Variants in IL22RA2 observed in about 807,000 individuals in gnomAD.
The protein encoded by IL22RA2 is interleukin-22 receptor subunit alpha-2.
A neutral mutation model predicts 30.7 loss-of-function variants in IL22RA2; 39 were observed. The ratio of observed to expected loss-of-function variants is 1.27; its 90% CI spans 0.98 to 1.66. The LOEUF (loss-of-function observed/expected upper bound fraction) is 1.66, where lower values mean the gene tolerates loss of function less well. IL22RA2 is among the 40% of genes most tolerant of loss of function. The pLI, the probability that IL22RA2 is intolerant of heterozygous loss-of-function variation, is 0.00. For missense variants in IL22RA2, 315 were observed against 312.7 expected, an observed-to-expected ratio of 1.01 and a Z score of -0.05; for synonymous variants, 103 against 105.0, an observed-to-expected ratio of 0.98 and a Z score of 0.11.
chr6:137,155,942 A>T (rs1428263744), intron 4 of IL22RA2, among the ~76,000 whole-genome samples: 1 of 152,120 alleles, frequency 6.6e-6, no homozygotes, highest in Non-Finnish European at 1.5e-5. Flanking sequence ...ACTTCTCATC[A>T]GCTTGCTGTT....
At chr6:137,170,310 T>A (rs1562275385) in intron 1 of IL22RA2, among the ~76,000 whole-genome samples, 1 of 152,086 alleles carries the variant, frequency 6.6e-6, no homozygotes, top group Non-Finnish European at 1.5e-5. Context: ...ATACAAATTT[T>A]AAAATCCTTT....
At chr6:137,154,161 G>A (rs550231773) in intron 5 of IL22RA2, among the ~76,000 whole-genome samples, 1 of 152,238 alleles carries the variant, frequency 6.6e-6, no homozygotes, top group East Asian at 1.9e-4. Context: ...ATATCCTTCA[G>A]GATGGATACT....
At chr6:137,158,791 G>A (rs1049378769) in intron 2 of IL22RA2, among the ~76,000 whole-genome samples, 2 of 152,114 alleles carry the variant, frequency 1.3e-5, no homozygotes, top group Non-Finnish European at 2.9e-5. Flanking sequence ...TTCCCAAATA[G>A]TGATGGAATA....
rs567810495 is a variant in IL22RA2, at chr6:137,149,068, T to A, written c.473-1177A>T. Among the ~76,000 whole-genome samples the A allele has an allele frequency of 6.6e-5, 10 of 152,316 alleles. No homozygotes were observed. In the East Asian group the frequency reaches 1.9e-3, roughly 29 times the overall value. ...CCTTCCCGCACTATTCATGAACATA[T>A]CAGCCCACAGATTTCCTCCTACCTC... On this transcript the variant is annotated intron_variant, in intron 5 of 6. Transcript: ENST00000296980.
At chr6:137,151,711 G>T (rs929964544) in intron 5 of IL22RA2, among the ~76,000 whole-genome samples, 1 of 152,104 alleles carries the variant, frequency 6.6e-6, no homozygotes, top group African/African-American at 2.4e-5. Flanking sequence ...AAAATAAAAA[G>T]ATTTGATTAA....
intron 6 of IL22RA2, among the ~76,000 whole-genome samples, chr6:137,147,062 G>A (rs972429838): frequency 1.1e-4 from 16 of 150,992 alleles, no homozygotes; most frequent in Non-Finnish European, 1.5e-4. Context: ...TTTAAAATAA[G>A]GTGTGAGGCC....
In IL22RA2 at chr6:137,155,078, C is replaced by A. The variant is rs749024459; in HGVS notation, c.335G>T (p.Gly112Val). 65 of 1,603,954 alleles carry A rather than the reference C, an allele frequency of 4.1e-5. No individual in the cohort carries two copies. Among genetic ancestry groups the A allele is most frequent in the Non-Finnish European group, 5.5e-5 (65 of 1,174,550 alleles). ...RQWKNKEDCWGTQELSCDLTS... is the reference protein window; with the variant it reads ...RQWKNKEDCWVTQELSCDLTS... ...AAGGTCACAAGAGAGTTCTTGAGTA[C>A]CCCAACAGTCTTCTTTATTTTTCCA... The change falls in exon 5 of 7, where the codon GGT becomes GTT. Residue 112 changes from glycine (G) to valine (V), a missense_variant. Coordinates refer to ENST00000296980, the MANE Select transcript of IL22RA2 (RefSeq NM_052962.3).
chr6:137,147,569 G>A lies in IL22RA2; in HGVS notation c.642+153C>T, dbSNP rs146904383. On this transcript the variant is annotated intron_variant, in intron 6 of 6. Coordinates refer to ENST00000296980, the MANE Select transcript of IL22RA2 (RefSeq NM_052962.3). The stretch of plus-strand genomic sequence containing the variant: ...TCTGATGGTGATGCCACCACCAACC[G>A]TTGATCAATGATGGCTGAGAGTAAG... 2.7e-3 allele frequency among the ~76,000 whole-genome samples: 412 copies of A among 152,194 alleles called. 4 individuals are homozygous for A. Among genetic ancestry groups the A allele is most frequent in the Non-Finnish European group, 4.5e-3 (303 of 67,986 alleles).
chr6:137,152,966 C>T (rs762727069), intron 5 of IL22RA2, among the ~76,000 whole-genome samples: 2 of 152,092 alleles, frequency 1.3e-5, no homozygotes, highest in Non-Finnish European at 2.9e-5. Context: ...TCTTCCATCT[C>T]GTTGCAGGTA....
Position 137,144,315 on chromosome 6 carries a change from T to A in IL22RA2, c.*1309A>T, listed in dbSNP as rs1314320105. 1.3e-5 allele frequency: 2 copies of A among 152,162 alleles called. No homozygotes were observed. Among genetic ancestry groups the A allele is most frequent in the Admixed American group, 6.6e-5 (1 of 15,262 alleles). The allele number at this position is 152,162 out of a possible 1,614,324, so 9.4% of individuals were successfully genotyped here. On this transcript the variant is annotated 3_prime_UTR_variant, in exon 7 of 7. Transcript: ENST00000296980. ...CCTCTTATTCTCCTCCACCCCCCAA[T>A]ACATTTCTGAATATTTTTTAATCCA...
At chr6:137,154,901 A>T in intron 5 of IL22RA2, 40 bp downstream of exon 5, 1 of 1,598,220 alleles carries the variant, frequency 6.3e-7, no homozygotes, top group South Asian at 1.1e-5. Context: ...GCTGTCCAAA[A>T]GCAGGAAGAA....
At chr6:137,157,676 C>A (rs1266735579) in intron 3 of IL22RA2, among the ~76,000 whole-genome samples, 1 of 151,678 alleles carries the variant, frequency 6.6e-6, no homozygotes. Flanking sequence ...GCCTCAACCC[C>A]CCTCACCCCC....
At chr6:137,169,537 G>A (rs572337015) in intron 1 of IL22RA2, among the ~76,000 whole-genome samples, 16 of 152,278 alleles carry the variant, frequency 1.1e-4, no homozygotes, top group Admixed American at 7.2e-4. Flanking sequence ...CAAAAGAAAT[G>A]TGTTTACAAA....
rs1222812755 is a variant in IL22RA2, at chr6:137,155,102, C to A, written c.311G>T (p.Trp104Leu). 1.3e-6 allele frequency: 2 copies of A among 1,591,636 alleles called. No individual in the cohort carries two copies. Among genetic ancestry groups the A allele is most frequent in the African/African-American group, 1.4e-5 (1 of 73,966 alleles). Reference sequence around the variant, plus strand: ...ACCCCAACAGTCTTCTTTATTTTTCCATTGTCTCTGTCCATATCTGTAGCA... The same window carrying A: ...ACCCCAACAGTCTTCTTTATTTTTCAATTGTCTCTGTCCATATCTGTAGCA... Reference protein sequence around the residue: ...RTLAKYGQRQWKNKEDCWGTQ... With the variant: ...RTLAKYGQRQLKNKEDCWGTQ... Residue 104 changes from tryptophan (W) to leucine (L), a missense_variant, in exon 5 of 7, where the codon TGG (tryptophan) becomes TTG (leucine). Physicochemically the swap from Trp to Leu is moderately conservative, Grantham distance 61. Transcript: ENST00000296980.
chr6:137,152,094 T>A (rs1373668658), intron 5 of IL22RA2, among the ~76,000 whole-genome samples: 1 of 152,126 alleles, frequency 6.6e-6, no homozygotes, highest in African/African-American at 2.4e-5. Flanking sequence ...TGCCTGATAG[T>A]CCTTGGTACT....
chr6:137,159,006 G>T (rs757560121), intron 2 of IL22RA2, among the ~76,000 whole-genome samples: 2 of 152,134 alleles, frequency 1.3e-5, no homozygotes, highest in Non-Finnish European at 1.5e-5. Flanking sequence ...TCCCACTCCT[G>T]AATGGCTGTA....
At chr6:137,158,122 G>T (rs1458028882) in intron 3 of IL22RA2, among the ~76,000 whole-genome samples, 1 of 152,102 alleles carries the variant, frequency 6.6e-6, no homozygotes, top group African/African-American at 2.4e-5. Flanking sequence ...TGAGGTCTTG[G>T]TGCAGGTCTA....
At chr6:137,157,171 A>G (rs975459520) in intron 3 of IL22RA2, among the ~76,000 whole-genome samples, 18 of 152,192 alleles carry the variant, frequency 1.2e-4, no homozygotes, top group Non-Finnish European at 1.5e-5. Flanking sequence ...TTATAAATAT[A>G]AAATCCTTGC....
intron 5 of IL22RA2, among the ~76,000 whole-genome samples, chr6:137,149,299 A>G (rs1778241410): frequency 6.6e-6 from 1 of 152,162 alleles, no homozygotes; most frequent in African/African-American, 2.4e-5. Context: ...TGAGTCTTGG[A>G]TCTGAAGAGA....
Sources: gnomAD v4.1 joint callset for allele counts (sites outside exome capture counted in the v4.1 genomes callset) on GRCh38, gnomAD v4.1.1 for gene constraint, MANE v1.5 for transcripts, NCBI Gene and HGNC (gene_info 2026-07-23, HGNC 2026-07-21) for gene names.